The following ZCCHC14 variants were observed in gnomAD, a reference collection of about 807,000 sequenced individuals.
ZCCHC14 encodes zinc finger CCHC-type containing 14, also known as zinc finger CCHC domain-containing protein 14.
In ZCCHC14, 16 loss-of-function variants were observed where a neutral mutation model predicts 85.0. The observed-to-expected ratio is 0.19, with a 90% CI of 0.13 to 0.29. The LOEUF is 0.29. Among genes scored for constraint, ZCCHC14 ranks in the 10% least tolerant of loss-of-function variants. The pLI is 1.00. For missense variants in ZCCHC14, 1,303 were observed against 1,443.5 expected (o/e 0.90, Z 1.58); for synonymous variants, 775 against 630.7 (o/e 1.23, Z -3.43).
chr16:87,434,462 C>T (rs960012287), intron 2 of ZCCHC14, among the ~76,000 whole-genome samples: 2 of 152,242 alleles, frequency 1.3e-5, no homozygotes, highest in African/African-American at 4.8e-5. Flanking sequence ...CACCAGCCTT[C>T]GCTGGGTCTG....
chr16:87,432,856 T>G (rs1431644626), intron 3 of ZCCHC14, among the ~76,000 whole-genome samples: 2 of 152,170 alleles, frequency 1.3e-5, no homozygotes, highest in Non-Finnish European at 2.9e-5. Context: ...CCAGTTCTGC[T>G]ATTTAGCCCC....
chr16:87,411,330 TTTAGAC>T, intron 12 of ZCCHC14, 180 bp downstream of exon 12: 1 of 1,480,198 alleles, frequency 6.8e-7, no homozygotes, highest in East Asian at 2.3e-5. Flanking sequence ...TCATGGCCGT[TTTAGAC>T]CCAACAGCAG....
chr16:87,440,860 C>G (rs1275171794), intron 2 of ZCCHC14, among the ~76,000 whole-genome samples: 1 of 152,032 alleles, frequency 6.6e-6, no homozygotes, highest in Non-Finnish European at 1.5e-5. Flanking sequence ...AGTGATCTGC[C>G]TGCCTTGGCC....
intron 2 of ZCCHC14, among the ~76,000 whole-genome samples, chr16:87,449,201 T>G (rs1047821948): frequency 6.6e-6 from 1 of 152,272 alleles, no homozygotes; most frequent in Non-Finnish European, 1.5e-5. Context: ...CAGCTGTAGC[T>G]GACCAACACA....
intron 1 of ZCCHC14, among the ~76,000 whole-genome samples, chr16:87,462,745 A>AGAAAAG (rs1271988228): frequency 6.7e-6 from 1 of 150,286 alleles, no homozygotes; most frequent in African/African-American, 2.5e-5. Context: ...CACAAAAAAA[A>AGAAAAG]AAAAAAGAAA....
chr16:87,462,132 A>AG (rs1431266683), intron 1 of ZCCHC14, among the ~76,000 whole-genome samples: 2 of 151,616 alleles, frequency 1.3e-5, no homozygotes, highest in African/African-American at 4.8e-5. Context: ...AAAAAAAAAA[A>AG]AAAAGTCCTA....
chr16:87,433,128 C>T lies in ZCCHC14; in HGVS notation c.768G>A (p.Glu256=), dbSNP rs1173631883. ...KNDRNVECSF[E]VLWSDSSITS... The stretch of plus-strand genomic sequence containing the variant: ...AGGGGAAAAAAACTTAGCATCTTAC[C>T]TCAAAGGAACATTCAACATTTCTGT... The change falls in exon 3 of 13, where the codon GAG becomes GAA. Residue 256 remains glutamate (E), a splice_region_variant and synonymous_variant. Transcript: ENST00000671377. 6.2e-7 allele frequency: 1 copy of T among 1,613,996 alleles called. No homozygotes were observed. The highest frequency in any genetic ancestry group is 1.3e-5 in the African/African-American group (1 of 74,930).
chr16:87,461,396 TAC>T (rs1911250783), intron 1 of ZCCHC14, among the ~76,000 whole-genome samples: 1 of 152,244 alleles, frequency 6.6e-6, no homozygotes, highest in Non-Finnish European at 1.5e-5. Flanking sequence ...GTAACTTCTT[TAC>T]AGTCTCAATG....
chr16:87,475,452 T>C (rs1911960999), intron 1 of ZCCHC14, among the ~76,000 whole-genome samples: 2 of 148,700 alleles, frequency 1.3e-5, no homozygotes, highest in Admixed American at 6.8e-5. Context: ...ACTTGGGAGG[T>C]TGAAACAGGA....
At chr16:87,444,133 A>G (rs1416574290) in intron 2 of ZCCHC14, among the ~76,000 whole-genome samples, 1 of 151,960 alleles carries the variant, frequency 6.6e-6, no homozygotes, top group Non-Finnish European at 1.5e-5. Context: ...TAGAGCAGCC[A>G]CACTCCATCA....
chr16:87,451,206 T>C (rs2150751604), intron 2 of ZCCHC14, among the ~76,000 whole-genome samples: 1 of 140,122 alleles, frequency 7.1e-6, no homozygotes, highest in African/African-American at 2.7e-5. Context: ...AGCCTTTTTT[T>C]TTTTTTTGAG....
At chr16:87,414,801 CCAGGCGCGGTGGCT>C (rs2150723569) in intron 9 of ZCCHC14, among the ~76,000 whole-genome samples, 1 of 152,352 alleles carries the variant, frequency 6.6e-6, no homozygotes, top group South Asian at 2.1e-4. Context: ...CATGACTAGG[CCAGGCGCGGTGGCT>C]CAGGCCTGTA....
chr16:87,491,243 C>T lies in ZCCHC14; in HGVS notation c.570+426G>A, dbSNP rs2150782747. Among the ~76,000 whole-genome samples the T allele has an allele frequency of 6.6e-6, 1 of 152,370 alleles. No individual in the cohort carries two copies. The highest frequency in any genetic ancestry group is 1.9e-4 in the East Asian group (1 of 5,178). On this transcript the variant is annotated intron_variant, in intron 1 of 12. Coordinates refer to ENST00000671377, the MANE Select transcript of ZCCHC14 (RefSeq NM_015144.3). This position sits in a 1 kb window ranked among gnomAD's most constrained non-coding sequence, Gnocchi z 5.9. ...TCCTCGGACCCAGGGCCCCTGCAGC[C>T]GCTCCTGCCCAAGGGGCGCGAGGCG...
rs371676402 is a variant in ZCCHC14, at chr16:87,433,119, G to A, written c.768+9C>T. On this transcript the variant is annotated intron_variant, in intron 3 of 12. Coordinates refer to ENST00000671377, the MANE Select transcript of ZCCHC14 (RefSeq NM_015144.3). ...CCAGGAGAGAGGGGAAAAAAACTTAGCATCTTACCTCAAAGGAACATTCAA... is the reference window on the plus strand; with the variant it reads ...CCAGGAGAGAGGGGAAAAAAACTTAACATCTTACCTCAAAGGAACATTCAA... 1.2e-6 allele frequency: 2 copies of A among 1,613,760 alleles called. No homozygotes were observed. Among genetic ancestry groups the A allele is most frequent in the African/African-American group, 2.7e-5 (2 of 74,928 alleles).
intron 2 of ZCCHC14, among the ~76,000 whole-genome samples, chr16:87,447,727 C>T (rs548786260): frequency 2.6e-5 from 4 of 152,272 alleles, no homozygotes; most frequent in East Asian, 1.9e-4. Context: ...TTCCCTAGGA[C>T]GAGAACTGCA....
chr16:87,433,282 G>T (rs952340409), intron 2 of ZCCHC14, 81 bp from the exon 3 acceptor site: 3 of 1,391,938 alleles, frequency 2.2e-6, no homozygotes, highest in Admixed American at 2.0e-5. Context: ...ATATTCAGCA[G>T]TTTTCAAAAC....
rs1908212600 is a variant in ZCCHC14, at chr16:87,406,591, C to CT, written c.*3688dup. On this transcript the variant is annotated 3_prime_UTR_variant, in exon 13 of 13. Transcript: ENST00000671377. ...TCCAGTTTCAGTACCAAAGCCTTCTCTTTTTGTGCACGTAAGACTCACACA... is the reference window on the plus strand; with the variant it reads ...TCCAGTTTCAGTACCAAAGCCTTCTCTTTTTTGTGCACGTAAGACTCACACA... 6.6e-6 allele frequency: 1 copy of CT among 152,504 alleles called. No homozygotes were observed. Among genetic ancestry groups the CT allele is most frequent in the Admixed American group, 6.5e-5 (1 of 15,304 alleles). 9.4% of individuals were successfully genotyped at this position (152,504 alleles called of 1,614,324 possible). A position where few individuals can be genotyped will look rare whatever the true frequency, so the allele number is the denominator to read the frequency against.
chr16:87,419,445 C>G (rs550999305), intron 6 of ZCCHC14, among the ~76,000 whole-genome samples: 1 of 152,222 alleles, frequency 6.6e-6, no homozygotes, highest in Non-Finnish European at 1.5e-5. Flanking sequence ...GGACTGCAGG[C>G]ATGCATCACC....
At chr16:87,459,429 C>T (rs990128533) in intron 2 of ZCCHC14, among the ~76,000 whole-genome samples, 1 of 151,904 alleles carries the variant, frequency 6.6e-6, no homozygotes, top group Non-Finnish European at 1.5e-5. Flanking sequence ...ACTGCAACCT[C>T]CACCTCCTGG....
Sources: gnomAD v4.1 joint callset for allele counts (sites outside exome capture counted in the v4.1 genomes callset) on GRCh38, gnomAD v4.1.1 for gene constraint, Gnocchi (gnomAD v3.1) non-coding constraint, MANE v1.5 for transcripts, NCBI Gene and HGNC (gene_info 2026-07-23, HGNC 2026-07-21) for gene names.